CAMTA1: variants seen among roughly 807,000 people sequenced by gnomAD.
CAMTA1 encodes the protein calmodulin binding transcription activator 1, also known as calmodulin-binding transcription activator 1.
In CAMTA1, 27 loss-of-function variants were observed where a neutral mutation model predicts 170.9. That is an observed-to-expected ratio of 0.16 (90% CI 0.12 to 0.22). The LOEUF (loss-of-function observed/expected upper bound fraction) is 0.22. Ranked by LOEUF, CAMTA1 falls within the 10% of genes least tolerant of loss-of-function variation. The pLI, the probability that CAMTA1 is intolerant of heterozygous loss-of-function variation, is 1.00. For synonymous variants in CAMTA1, 833 were observed against 891.5 expected (o/e 0.93, Z 1.17); for missense variants, 1,619 against 2,217.2 (o/e 0.73, Z 5.42).
At chr1:6,969,132 C>T (rs1409664429) in intron 3 of CAMTA1, among the ~76,000 whole-genome samples, 2 of 152,152 alleles carry the variant, frequency 1.3e-5, no homozygotes, top group Admixed American at 6.5e-5. Flanking sequence ...GCTTGGCCTC[C>T]GTGGGCATTT....
intron 1 of CAMTA1, chr1:6,807,141 G>A (rs1042948419): frequency 1.2e-5 from 6 of 485,456 alleles, no homozygotes; most frequent in Admixed American, 3.4e-5. Context: ...GTTGGGGGAG[G>A]CTTCTTGAGA....
chr1:7,695,901 GCA>G (rs1356792666), intron 11 of CAMTA1, among the ~76,000 whole-genome samples: 1 of 152,160 alleles, frequency 6.6e-6, no homozygotes, highest in Non-Finnish European at 1.5e-5. Context: ...AAATGCACTT[GCA>G]CAGAATTGGG....
Position 7,007,107 on chromosome 1 carries a change from G to A in CAMTA1, c.235-84197G>A, listed in dbSNP as rs541903022. On this transcript the variant is annotated intron_variant, in intron 3 of 22. Transcript: ENST00000303635. The surrounding 1 kb of genome is among the most constrained non-coding windows in gnomAD (Gnocchi z 4.5). ...GGTGTCCTGGTAGTCAGGGCCAAGG[G>A]GATGGATGATGGCTCGTGGTTGTTT... is the stretch of plus-strand genomic sequence containing the variant. Among the ~76,000 whole-genome samples the A allele has an allele frequency of 2.1e-4, 32 of 152,262 alleles. No individual in the cohort carries two copies. Among genetic ancestry groups the A allele is most frequent in the African/African-American group, 2.9e-4 (12 of 41,526 alleles).
At position 7,136,968 on chromosome 1, in the gene CAMTA1, G is replaced by A. The variant is rs556073821; in HGVS notation, c.302+45597G>A. 4.6e-5 allele frequency among the ~76,000 whole-genome samples: 7 copies of A among 152,234 alleles called. No individual in the cohort carries two copies. The East Asian group carries it at 9.7e-4, about 21-fold the overall frequency. On this transcript the variant is annotated intron_variant, in intron 4 of 22. Transcript: ENST00000303635. ...TGATGACCTCAAATGTGTAATTCTA[G>A]CCCTGGCTTTCCCCTGGCCTTCAGA... is the stretch of plus-strand genomic sequence containing the variant.
Position 7,057,069 on chromosome 1 carries a change from C to T in CAMTA1, c.235-34235C>T, listed in dbSNP as rs181114826. 1.0e-3 allele frequency among the ~76,000 whole-genome samples: 155 copies of T among 152,308 alleles called. 1 individual carries two copies. The highest frequency in any genetic ancestry group is 3.6e-3 in the African/African-American group (150 of 41,570). Reference sequence around the variant, plus strand: ...ATGGCTTAGGGCCAGGCCCTTCTCTCGGGTGGGGAGGAAAGTGAGAGAGAC... The same window carrying T: ...ATGGCTTAGGGCCAGGCCCTTCTCTTGGGTGGGGAGGAAAGTGAGAGAGAC... On this transcript the variant is annotated intron_variant, in intron 3 of 22. Transcript: ENST00000303635.
intron 5 of CAMTA1, among the ~76,000 whole-genome samples, chr1:7,335,850 A>G (rs2083351248): frequency 1.3e-5 from 2 of 152,030 alleles, no homozygotes. Context: ...TTGTGTACTA[A>G]GTAAAATGTG....
intron 6 of CAMTA1, among the ~76,000 whole-genome samples, chr1:7,530,750 T>G (rs2150041201): frequency 6.6e-6 from 1 of 151,526 alleles, no homozygotes; most frequent in East Asian, 1.9e-4. Context: ...TCCATAGCCA[T>G]AGATCAGAAT....
chr1:6,833,729 G>T (rs971787777), intron 3 of CAMTA1, among the ~76,000 whole-genome samples: 14 of 152,144 alleles, frequency 9.2e-5, no homozygotes, highest in Non-Finnish European at 1.5e-4. Context: ...TGACACTACT[G>T]GGTACTAGGG....
At chr1:7,418,907 G>C (rs845258) in intron 5 of CAMTA1, among the ~76,000 whole-genome samples, 135,243 of 152,268 alleles carry the variant, frequency 0.89, 60,414 homozygotes, top group East Asian at 0.99. Flanking sequence ...CACCCCAGGC[G>C]CTTCTGGCCA....
intron 11 of CAMTA1, among the ~76,000 whole-genome samples, chr1:7,728,635 G>T (rs190238313): frequency 7.5e-4 from 114 of 152,348 alleles, no homozygotes; most frequent in Admixed American, 2.4e-3. Context: ...TAGGTTCCGA[G>T]ATCAATGGTT....
chr1:7,499,905 G>A (rs2093952275), intron 6 of CAMTA1, among the ~76,000 whole-genome samples: 1 of 147,246 alleles, frequency 6.8e-6, no homozygotes, highest in South Asian at 2.3e-4. Context: ...TTATGTATAT[G>A]AGTGTGTGTG....
Position 7,601,744 on chromosome 1 carries a change from G to C in CAMTA1, c.511-38656G>C, listed in dbSNP as rs1482537674. On this transcript the variant is annotated intron_variant, in intron 6 of 22. Transcript: ENST00000303635. Reference sequence around the variant, plus strand: ...CCTCGCGGTTAGGAGCTGGAGACCAGCCTGGCCAACACAGCGAAACCCCGT... The same window carrying C: ...CCTCGCGGTTAGGAGCTGGAGACCACCCTGGCCAACACAGCGAAACCCCGT... 2.0e-5 allele frequency among the ~76,000 whole-genome samples: 3 copies of C among 152,240 alleles called. No homozygotes were observed. The East Asian group carries it at 5.8e-4, about 29-fold the overall frequency.
chr1:6,898,139 G>A (rs1557784639), intron 3 of CAMTA1, among the ~76,000 whole-genome samples: 1 of 152,136 alleles, frequency 6.6e-6, no homozygotes, highest in Non-Finnish European at 1.5e-5. Flanking sequence ...CTTAAAATTG[G>A]TTGAGGAGCT....
chr1:7,063,794 C>T lies in CAMTA1; in HGVS notation c.235-27510C>T, dbSNP rs1708599233. On this transcript the variant is annotated intron_variant, in intron 3 of 22. Coordinates refer to ENST00000303635, the MANE Select transcript of CAMTA1 (RefSeq NM_015215.4). The surrounding 1 kb of genome is among the most constrained non-coding windows in gnomAD (Gnocchi z 4.3). ...AGCATCCTGCCAGGGATGCTGGGAACACAGTGGTGAATAAGTTGGGGACAT... is the reference window on the plus strand; with the variant it reads ...AGCATCCTGCCAGGGATGCTGGGAATACAGTGGTGAATAAGTTGGGGACAT... Among the ~76,000 whole-genome samples, 1 of 152,236 alleles carries T rather than the reference C, an allele frequency of 6.6e-6. No homozygotes were observed. Among genetic ancestry groups the T allele is most frequent in the Admixed American group, 6.5e-5 (1 of 15,290 alleles).
chr1:7,309,489 C>T (rs1015057332), intron 5 of CAMTA1, among the ~76,000 whole-genome samples: 2 of 150,904 alleles, frequency 1.3e-5, no homozygotes, highest in Admixed American at 1.3e-4. Context: ...TTAGTAGAGA[C>T]GGGGTTTCAC....
chr1:7,646,295 G>A (rs2095803439), intron 7 of CAMTA1, among the ~76,000 whole-genome samples: 1 of 149,800 alleles, frequency 6.7e-6, no homozygotes, highest in East Asian at 2.0e-4. Context: ...GGAGGCCACG[G>A]TGAGTTGGGT....
chr1:6,843,149 CT>C (rs1459421860), intron 3 of CAMTA1, among the ~76,000 whole-genome samples: 1 of 152,168 alleles, frequency 6.6e-6, no homozygotes, highest in East Asian at 1.9e-4. Context: ...CTTCTTTACA[CT>C]TTTTTCCTTT....
At chr1:7,559,917 C>T (rs890189885) in intron 6 of CAMTA1, among the ~76,000 whole-genome samples, 2 of 152,180 alleles carry the variant, frequency 1.3e-5, no homozygotes, top group Admixed American at 6.5e-5. Flanking sequence ...AGCGAGTTTC[C>T]GGAACCTGTC....
chr1:7,319,434 C>G (rs1042346760), intron 5 of CAMTA1, among the ~76,000 whole-genome samples: 2 of 152,108 alleles, frequency 1.3e-5, no homozygotes, highest in Admixed American at 6.5e-5. Flanking sequence ...CCTGCCCCGG[C>G]CATGTGAAAT....
Sources: gnomAD v4.1 joint callset for allele counts (sites outside exome capture counted in the v4.1 genomes callset) on GRCh38, gnomAD v4.1.1 for gene constraint, Gnocchi (gnomAD v3.1) non-coding constraint, MANE v1.5 for transcripts, NCBI Gene and HGNC (gene_info 2026-07-23, HGNC 2026-07-21) for gene names.